Variants in PDE1C observed in about 807,000 individuals in gnomAD.
The protein encoded by PDE1C is phosphodiesterase 1C.
PDE1C carries 62 observed loss-of-function variants against 93.1 expected under a neutral mutation model. That is an observed-to-expected ratio of 0.67 (90% CI 0.54 to 0.82). PDE1C has a LOEUF of 0.82. Ranked by LOEUF, PDE1C falls within the 40% of genes least tolerant of loss-of-function variation. The pLI is 0.00. For synonymous variants in PDE1C, 325 were observed against 310.1 expected, an observed-to-expected ratio of 1.05 and a Z score of -0.50; for missense variants, 742 against 884.6, an observed-to-expected ratio of 0.84 and a Z score of 2.04.
At chr7:31,890,650 T>C (rs1798506543) in intron 2 of PDE1C, among the ~76,000 whole-genome samples, 1 of 152,228 alleles carries the variant, frequency 6.6e-6, no homozygotes, top group Non-Finnish European at 1.5e-5. Context: ...ATATAAGTTT[T>C]GGTAAGATAA....
intron 1 of PDE1C, among the ~76,000 whole-genome samples, chr7:32,403,046 G>A (rs1784981271): frequency 6.6e-6 from 1 of 152,154 alleles, no homozygotes; most frequent in Admixed American, 6.5e-5. Context: ...AAATAGAGGT[G>A]AGAGCCTGGG....
chr7:32,361,592 C>A (rs1204999018), intron 1 of PDE1C, among the ~76,000 whole-genome samples: 2 of 152,196 alleles, frequency 1.3e-5, no homozygotes, highest in Non-Finnish European at 2.9e-5. Context: ...TCTCCTTGTG[C>A]CCTCTGCCCT....
At chr7:32,113,446 G>T (rs1798797536) in intron 3 of PDE1C, among the ~76,000 whole-genome samples, 1 of 150,146 alleles carries the variant, frequency 6.7e-6, no homozygotes, top group African/African-American at 2.4e-5. Flanking sequence ...TTTTCTAATA[G>T]CAAAAATCCT....
chr7:32,225,763 T>G (rs752965399), intron 1 of PDE1C, among the ~76,000 whole-genome samples: 1 of 152,202 alleles, frequency 6.6e-6, no homozygotes, highest in Non-Finnish European at 1.5e-5. Context: ...AGCTGTGTTA[T>G]GAAAGTTGCT....
At chr7:32,069,972 C>A (rs997342482) in intron 1 of PDE1C, among the ~76,000 whole-genome samples, 3 of 152,336 alleles carry the variant, frequency 2.0e-5, no homozygotes, top group East Asian at 1.9e-4. Flanking sequence ...GGGTCTCAAA[C>A]TTTTCTCCCT....
chr7:32,327,055 T>C (rs1340446217), intron 1 of PDE1C, among the ~76,000 whole-genome samples: 1 of 152,146 alleles, frequency 6.6e-6, no homozygotes, highest in Non-Finnish European at 1.5e-5. Flanking sequence ...ACTTAGCCTC[T>C]CTTGCTCACA....
In PDE1C at chr7:32,215,160, G is replaced by A. The variant is rs781387641; in HGVS notation, c.86-5621C>T. Among the ~76,000 whole-genome samples the A allele has an allele frequency of 2.1e-4, 32 of 151,618 alleles. 1 individual carries two copies. Among genetic ancestry groups the A allele is most frequent in the Non-Finnish European group, 8.8e-5 (6 of 67,880 alleles). On this transcript the variant is annotated intron_variant, in intron 1 of 18. Coordinates refer to the PDE1C transcript ENST00000396193. ...AGCAGCACAGCAGGAGGTGTGCAGCGGGGACCGAGCATCACCACCTGAGCT... is the reference window on the plus strand; with the variant it reads ...AGCAGCACAGCAGGAGGTGTGCAGCAGGGACCGAGCATCACCACCTGAGCT...
intron 3 of PDE1C, among the ~76,000 whole-genome samples, chr7:32,161,352 C>T (rs1801906699): frequency 6.6e-6 from 1 of 152,170 alleles, no homozygotes; most frequent in African/African-American, 2.4e-5. Flanking sequence ...TTGGGCTACA[C>T]CCGTGATCTC....
At chr7:31,670,757 A>T in the PDE1C span, among the ~76,000 whole-genome samples, 5 of 152,234 alleles carry the variant, frequency 3.3e-5, 1 homozygote, top group East Asian at 9.7e-4. Flanking sequence ...AAGTGAGAAC[A>T]TAACATTCCT....
the PDE1C span, among the ~76,000 whole-genome samples, chr7:31,636,880 C>T: frequency 6.1e-5 from 6 of 97,836 alleles, no homozygotes; most frequent in African/African-American, 2.3e-4. Flanking sequence ...CCTCCCCCCT[C>T]CCCCCTCCCC....
At chr7:32,211,000 G>A (rs532354556) in intron 1 of PDE1C, among the ~76,000 whole-genome samples, 1 of 152,214 alleles carries the variant, frequency 6.6e-6, no homozygotes, top group South Asian at 2.1e-4. Context: ...CGGGTCACGA[G>A]GTCAGGAGAC....
chr7:32,265,275 C>T (rs1436326316), intron 1 of PDE1C, among the ~76,000 whole-genome samples: 1 of 152,180 alleles, frequency 6.6e-6, no homozygotes, highest in African/African-American at 2.4e-5. Context: ...TTGAGTGAAG[C>T]TGCTCTATCC....
chr7:31,934,332 T>G (rs1054067450), intron 2 of PDE1C, among the ~76,000 whole-genome samples: 21 of 152,196 alleles, frequency 1.4e-4, no homozygotes, highest in Non-Finnish European at 2.8e-4. Context: ...TCAAACTTTA[T>G]GACATAGCTA....
intron 5 of PDE1C, among the ~76,000 whole-genome samples, chr7:31,875,271 A>G (rs1215940803): frequency 6.6e-6 from 1 of 152,176 alleles, no homozygotes; most frequent in East Asian, 1.9e-4. Context: ...ACTAGAAATA[A>G]AGAGATTATC....
the PDE1C span, chr7:31,651,190 C>T: frequency 2.0e-5 from 32 of 1,613,448 alleles, 2 homozygotes; most frequent in South Asian, 1.6e-4. Context: ...CCAAAGTTTC[C>T]GGGAGTATTT....
At chr7:31,940,541 A>C (rs555351146) in intron 2 of PDE1C, among the ~76,000 whole-genome samples, 2 of 152,150 alleles carry the variant, frequency 1.3e-5, no homozygotes, top group Non-Finnish European at 2.9e-5. Flanking sequence ...GAAGGGAGGA[A>C]GATGCACAGG....
At chr7:31,990,553 T>C (rs1368119515) in intron 2 of PDE1C, among the ~76,000 whole-genome samples, 1 of 152,154 alleles carries the variant, frequency 6.6e-6, no homozygotes, top group Non-Finnish European at 1.5e-5. Flanking sequence ...ACCCACACTC[T>C]CAATTCTAAG....
chr7:31,710,522 A>C, the PDE1C span, among the ~76,000 whole-genome samples: 1 of 152,206 alleles, frequency 6.6e-6, no homozygotes, highest in East Asian at 1.9e-4. Context: ...AATGCAATTA[A>C]GTGAATTTTC....
chr7:31,693,563 G>GA, the PDE1C span, among the ~76,000 whole-genome samples: 7 of 152,160 alleles, frequency 4.6e-5, no homozygotes, highest in Admixed American at 4.6e-4. Flanking sequence ...ATGGAGAAAA[G>GA]AGTATAACAC....
Sources: gnomAD v4.1 joint callset for allele counts (sites outside exome capture counted in the v4.1 genomes callset) on GRCh38, gnomAD v4.1.1 for gene constraint, MANE v1.5 for transcripts, NCBI Gene and HGNC (gene_info 2026-07-23, HGNC 2026-07-21) for gene names.